The following ZC3H12B variants were observed in gnomAD, a reference collection of about 807,000 sequenced individuals.
ZC3H12B encodes zinc finger CCCH-type containing 12B.
ZC3H12B carries 7 observed loss-of-function variants against 43.9 expected under a neutral mutation model. The ratio of observed to expected loss-of-function variants is 0.16; its 90% CI spans 0.09 to 0.30. ZC3H12B has a LOEUF of 0.30. Among genes scored for constraint, ZC3H12B ranks in the 10% least tolerant of loss-of-function variants. The pLI is 1.00. For missense variants in ZC3H12B, 475 were observed against 670.2 expected, an observed-to-expected ratio of 0.71 and a Z score of 3.22; for synonymous variants, 222 against 241.7, an observed-to-expected ratio of 0.92 and a Z score of 0.76.
At chrX:65,135,588 C>T in the ZC3H12B span, among the ~76,000 whole-genome samples, 4 of 109,042 alleles carry the variant, frequency 3.7e-5, no homozygotes, top group Admixed American at 9.9e-5. Context: ...AATTTTGTAA[C>T]GCAGGCTAAA....
At chrX:65,051,909 G>C in the ZC3H12B span, among the ~76,000 whole-genome samples, 1 of 110,364 alleles carries the variant, frequency 9.1e-6, no homozygotes, top group Non-Finnish European at 1.9e-5. Context: ...GCTGTCTTGG[G>C]ACCAGGTGGC....
At chrX:65,477,554 TTTGGGAGGC>T (rs1168663459) in intron 3 of ZC3H12B, among the ~76,000 whole-genome samples, 1 of 111,608 alleles carries the variant, frequency 9.0e-6, no homozygotes, top group Non-Finnish European at 1.9e-5. Context: ...ATCCCAGCAC[TTTGGGAGGC>T]CAAGGTGGGT....
chrX:65,143,655 C>A, the ZC3H12B span, among the ~76,000 whole-genome samples: 1 of 108,460 alleles, frequency 9.2e-6, no homozygotes, highest in African/African-American at 3.4e-5. Flanking sequence ...TTCCACCTCC[C>A]GGGTTCAAGT....
At chrX:65,375,123 G>A (rs766698245) in intron 2 of ZC3H12B, among the ~76,000 whole-genome samples, 1 of 111,845 alleles carries the variant, frequency 8.9e-6, no homozygotes, top group Non-Finnish European at 1.9e-5. Context: ...TCTTGGGAAA[G>A]GGAGGGTACA....
intron 2 of ZC3H12B, among the ~76,000 whole-genome samples, chrX:65,387,308 T>A (rs1410654759): frequency 8.9e-6 from 1 of 111,861 alleles, no homozygotes; most frequent in Non-Finnish European, 1.9e-5. Context: ...AGGACTGTCT[T>A]TATGAATCTG....
At chrX:65,416,728 G>T (rs1463332836) in intron 3 of ZC3H12B, among the ~76,000 whole-genome samples, 3 of 108,038 alleles carry the variant, frequency 2.8e-5, no homozygotes, top group African/African-American at 6.8e-5. Context: ...GGCGGAGCTT[G>T]CAGTGAGCCG....
At chrX:65,418,719 A>G (rs1489215542) in intron 3 of ZC3H12B, among the ~76,000 whole-genome samples, 1 of 111,995 alleles carries the variant, frequency 8.9e-6, no homozygotes, top group Non-Finnish European at 1.9e-5. Flanking sequence ...TCAAGTGAAC[A>G]TAAGTTTCAC....
chrX:65,058,844 C>G, the ZC3H12B span, among the ~76,000 whole-genome samples: 5 of 112,159 alleles, frequency 4.5e-5, no homozygotes, highest in South Asian at 7.4e-4. Context: ...TAGCAATGAG[C>G]GAGGCTTCGT....
the ZC3H12B span, among the ~76,000 whole-genome samples, chrX:65,311,678 T>G: frequency 6.3e-5 from 7 of 111,715 alleles, no homozygotes; most frequent in Non-Finnish European, 7.5e-5. Context: ...CATGCTACTA[T>G]AAAGACACAT....
chrX:65,056,670 G>A, the ZC3H12B span, among the ~76,000 whole-genome samples: 1 of 111,195 alleles, frequency 9.0e-6, no homozygotes, highest in Non-Finnish European at 1.9e-5. Flanking sequence ...TCATTGATCT[G>A]TCTCATGTTG....
the ZC3H12B span, among the ~76,000 whole-genome samples, chrX:65,236,886 A>G: frequency 7.5e-3 from 840 of 111,443 alleles, 5 homozygotes; most frequent in African/African-American, 0.026. Context: ...TGAGTTCTCT[A>G]TTATCTTCCA....
the ZC3H12B span, among the ~76,000 whole-genome samples, chrX:65,265,002 G>A: frequency 8.9e-6 from 1 of 111,857 alleles, no homozygotes; most frequent in African/African-American, 3.2e-5. Flanking sequence ...AACAGTGGTA[G>A]AGCGAAGACT....
the ZC3H12B span, among the ~76,000 whole-genome samples, chrX:65,045,251 G>C: frequency 9.0e-6 from 1 of 111,471 alleles, no homozygotes; most frequent in Non-Finnish European, 1.9e-5. Flanking sequence ...TGCATCAATA[G>C]ACTTTTTCTT....
the ZC3H12B span, among the ~76,000 whole-genome samples, chrX:65,121,541 T>G: frequency 9.0e-6 from 1 of 111,693 alleles, no homozygotes. Flanking sequence ...TCTTCTCTCT[T>G]TTCTTCTTTA....
the ZC3H12B span, among the ~76,000 whole-genome samples, chrX:65,096,676 C>T: frequency 7.2e-5 from 8 of 111,371 alleles, no homozygotes; most frequent in African/African-American, 2.3e-4. Context: ...TAAGAAAGAT[C>T]AAGTTAAAAT....
intron 3 of ZC3H12B, among the ~76,000 whole-genome samples, chrX:65,449,188 G>A (rs187121524): frequency 4.5e-5 from 5 of 111,070 alleles, no homozygotes; most frequent in Non-Finnish European, 7.6e-5. Context: ...GCATCAGGAA[G>A]AATAATGGAT....
the ZC3H12B span, among the ~76,000 whole-genome samples, chrX:65,110,652 T>G: frequency 3.6e-5 from 4 of 111,671 alleles, no homozygotes; most frequent in Non-Finnish European, 7.6e-5. Context: ...TGATTACTGT[T>G]CGAATCAGGA....
the ZC3H12B span, among the ~76,000 whole-genome samples, chrX:65,152,166 T>C: frequency 9.0e-6 from 1 of 111,565 alleles, no homozygotes; most frequent in Non-Finnish European, 1.9e-5. Context: ...CTTTGAAAAC[T>C]GGCACAAGAC....
upstream of ZC3H12B, among the ~76,000 whole-genome samples, chrX:65,484,436 T>C (rs1248951958): frequency 4.4e-5 from 5 of 112,501 alleles, no homozygotes; most frequent in Non-Finnish European, 9.4e-5. Flanking sequence ...AGTATTCTTA[T>C]GATGATTGAA....
Sources: allele counts gnomAD v4.1 joint callset (sites outside exome capture counted in the v4.1 genomes callset), GRCh38; gene constraint gnomAD v4.1.1; transcripts MANE v1.5; gene names NCBI Gene and HGNC (gene_info 2026-07-23, HGNC 2026-07-21).